Variants in PCED1B observed in about 807,000 individuals in gnomAD.
PCED1B encodes the protein PC-esterase domain containing 1B.
For synonymous variants in PCED1B, 251 were observed against 246.1 expected (o/e 1.02, Z -0.19); for missense variants, 573 against 573.9 (o/e 1.00, Z 0.02).
chr12:47,080,416 C>G (rs1347060245), intron 1 of PCED1B, among the ~76,000 whole-genome samples: 2 of 152,352 alleles, frequency 1.3e-5, no homozygotes, highest in East Asian at 3.9e-4. Flanking sequence ...GAGGCTTTGC[C>G]TGCGCCAAGT....
At chr12:47,140,880 A>G (rs1940565251) in intron 2 of PCED1B, among the ~76,000 whole-genome samples, 1 of 152,308 alleles carries the variant, frequency 6.6e-6, no homozygotes, top group East Asian at 1.9e-4. Context: ...CCTGAGCAAA[A>G]CAAAACAAAA....
At chr12:47,117,004 G>A (rs1939449309) in intron 2 of PCED1B, among the ~76,000 whole-genome samples, 1 of 152,096 alleles carries the variant, frequency 6.6e-6, no homozygotes, top group Admixed American at 6.6e-5. Flanking sequence ...CAGATATGGT[G>A]GTGCATGCCT....
intron 2 of PCED1B, among the ~76,000 whole-genome samples, chr12:47,191,202 A>G (rs1471381511): frequency 6.6e-6 from 1 of 152,226 alleles, no homozygotes; most frequent in Non-Finnish European, 1.5e-5. Flanking sequence ...ACACAGGGCT[A>G]CTATGAGTAT....
chr12:47,163,497 G>C (rs552553866), intron 2 of PCED1B, among the ~76,000 whole-genome samples: 1 of 152,296 alleles, frequency 6.6e-6, no homozygotes, highest in Admixed American at 6.5e-5. Flanking sequence ...CCTGATTTTA[G>C]AGAAAAAGCT....
intron 2 of PCED1B, among the ~76,000 whole-genome samples, chr12:47,112,119 T>C (rs933843663): frequency 2.0e-5 from 3 of 152,186 alleles, no homozygotes; most frequent in African/African-American, 7.2e-5. Context: ...GCAGTAAGAA[T>C]AGGAGAATCA....
chr12:47,161,278 A>C (rs1298231044), intron 2 of PCED1B, among the ~76,000 whole-genome samples: 2 of 152,194 alleles, frequency 1.3e-5, no homozygotes, highest in Non-Finnish European at 2.9e-5. Context: ...AAAACTGGGT[A>C]TTCTTTTGTA....
intron 2 of PCED1B, among the ~76,000 whole-genome samples, chr12:47,158,251 C>T (rs1941257670): frequency 6.6e-6 from 1 of 152,148 alleles, no homozygotes; most frequent in African/African-American, 2.4e-5. Flanking sequence ...TTTACATTTC[C>T]ACCAACAATG....
At chr12:47,168,292 T>C (rs1941609172) in intron 2 of PCED1B, among the ~76,000 whole-genome samples, 1 of 152,210 alleles carries the variant, frequency 6.6e-6, no homozygotes, top group Non-Finnish European at 1.5e-5. Flanking sequence ...GGGTCAATTG[T>C]GTTAGCTTAT....
intron 2 of PCED1B, among the ~76,000 whole-genome samples, chr12:47,121,495 G>T (rs1015246081): frequency 2.0e-5 from 3 of 152,238 alleles, no homozygotes; most frequent in Non-Finnish European, 2.9e-5. Flanking sequence ...TTTTTTTAAA[G>T]AAATCTCCTT....
chr12:47,181,800 G>T (rs1942104758), intron 2 of PCED1B, among the ~76,000 whole-genome samples: 1 of 149,510 alleles, frequency 6.7e-6, no homozygotes, highest in Non-Finnish European at 1.5e-5. Context: ...TCAACTTTTT[G>T]TCAGTACTAA....
At chr12:47,143,256 G>A (rs1940662468) in intron 2 of PCED1B, among the ~76,000 whole-genome samples, 1 of 152,066 alleles carries the variant, frequency 6.6e-6, no homozygotes, top group African/African-American at 2.4e-5. Context: ...CATCTAAATT[G>A]GAATGATAAA....
chr12:47,100,943 C>A (rs1938677695), intron 1 of PCED1B, among the ~76,000 whole-genome samples: 1 of 151,940 alleles, frequency 6.6e-6, no homozygotes, highest in Non-Finnish European at 1.5e-5. Context: ...GTGATGCATG[C>A]CTTATAGTCC....
chr12:47,161,536 T>A (rs1448066105), intron 2 of PCED1B, among the ~76,000 whole-genome samples: 1 of 152,192 alleles, frequency 6.6e-6, no homozygotes, highest in East Asian at 1.9e-4. Flanking sequence ...TGTTTTGCAT[T>A]TCTATAAAGA....
At chr12:47,230,914 C>CTGT (rs1168912863) in intron 3 of PCED1B, among the ~76,000 whole-genome samples, 1 of 152,178 alleles carries the variant, frequency 6.6e-6, no homozygotes, top group Non-Finnish European at 1.5e-5. Context: ...GGCATTATTA[C>CTGT]AAACAGTTTA....
rs751753564 is a variant in PCED1B, at chr12:47,236,306, C to G, written c.1243C>G (p.Arg415Gly). Reference protein sequence around the residue: ...PRGPYTPWGQRPRPSKRRAPA... With the variant: ...PRGPYTPWGQGPRPSKRRAPA... ...TGGCCCCTATACGCCCTGGGGACAG[C>G]GGCCTCGACCTTCAAAGAGAAGGGC... Residue 415 changes from arginine to glycine, a missense_variant, in exon 4 of 4, where the codon CGG (arginine) becomes GGG (glycine). Transcript: ENST00000546455. The G allele has an allele frequency of 6.2e-7, 1 of 1,613,044 alleles. No individual in the cohort carries two copies. Among genetic ancestry groups the G allele is most frequent in the African/African-American group, 1.3e-5 (1 of 74,884 alleles).
chr12:47,201,020 CACTTTGAG>C (rs1206249538), intron 2 of PCED1B, among the ~76,000 whole-genome samples: 1 of 152,166 alleles, frequency 6.6e-6, no homozygotes, highest in Non-Finnish European at 1.5e-5. Context: ...GAAAACGCCA[CACTTTGAG>C]ACGAGTTAAG....
At chr12:47,196,022 T>C (rs1162062065) in intron 2 of PCED1B, among the ~76,000 whole-genome samples, 1 of 152,206 alleles carries the variant, frequency 6.6e-6, no homozygotes, top group Non-Finnish European at 1.5e-5. Context: ...CAAAGATTAG[T>C]CAAACTAGGT....
chr12:47,179,277 A>G (rs149844639), intron 2 of PCED1B, among the ~76,000 whole-genome samples: 10 of 152,306 alleles, frequency 6.6e-5, no homozygotes, highest in Non-Finnish European at 1.5e-4. Flanking sequence ...AGCTTAAACT[A>G]CGGAGGTCTG....
chr12:47,137,526 T>C (rs1940423562), intron 2 of PCED1B, among the ~76,000 whole-genome samples: 1 of 151,884 alleles, frequency 6.6e-6, no homozygotes, highest in Admixed American at 6.6e-5. Flanking sequence ...AAAAAAGGAA[T>C]CATTTCAGCC....
Sources: allele counts gnomAD v4.1 joint callset (sites outside exome capture counted in the v4.1 genomes callset), GRCh38; gene constraint gnomAD v4.1.1; transcripts MANE v1.5; gene names NCBI Gene and HGNC (gene_info 2026-07-23, HGNC 2026-07-21).